The following ADGRG6 variants were observed in gnomAD, a reference collection of about 807,000 sequenced individuals.
The protein encoded by ADGRG6 is G-protein coupled receptor 126.
Under a neutral mutation model 142.4 loss-of-function variants are expected in ADGRG6, and 84 were observed. The observed-to-expected ratio is 0.59, with a 90% CI of 0.49 to 0.71. The LOEUF (loss-of-function observed/expected upper bound fraction) is 0.71, where lower values mean the gene tolerates loss of function less well. Among genes scored for constraint, ADGRG6 ranks in the 30% least tolerant of loss-of-function variants. The pLI, the probability that ADGRG6 is intolerant of heterozygous loss-of-function variation, is 0.00. For missense variants in ADGRG6, 1,367 were observed against 1,466.6 expected, an observed-to-expected ratio of 0.93 and a Z score of 1.11; for synonymous variants, 521 against 520.5, an observed-to-expected ratio of 1.00 and a Z score of -0.01.
intron 2 of ADGRG6, among the ~76,000 whole-genome samples, chr6:142,328,928 T>G (rs1274849769): frequency 6.6e-6 from 1 of 152,214 alleles, no homozygotes; most frequent in Non-Finnish European, 1.5e-5. Flanking sequence ...GCATTTATAA[T>G]ATTTTTCTTA....
intron 6 of ADGRG6, among the ~76,000 whole-genome samples, chr6:142,386,817 A>G (rs1441895608): frequency 6.6e-6 from 1 of 152,134 alleles, no homozygotes. Flanking sequence ...AGCCCTGGCC[A>G]GGACTCCATC....
At chr6:142,306,154 C>T (rs1434058089) in intron 1 of ADGRG6, among the ~76,000 whole-genome samples, 2 of 152,084 alleles carry the variant, frequency 1.3e-5, no homozygotes, top group Admixed American at 1.3e-4. Context: ...ATCAATTTCT[C>T]CACTAATATC....
In ADGRG6 at chr6:142,402,008, C is replaced by T; in HGVS notation, c.1694C>T (p.Thr565Ile). The change falls in exon 12 of 25, where the codon ACC (threonine) becomes ATC (isoleucine). Residue 565 changes from threonine (T) to isoleucine (I), a missense_variant. Transcript: ENST00000367609. ...TTGTTTCATAGTTTTTACAATGCTA[C>T]CAACCCATTGGTAACCTACTGGGGA... is the stretch of plus-strand genomic sequence containing the variant. ...SASRICFYNA[T>I]NPLVTYWGPV... 1.3e-6 allele frequency: 2 copies of T among 1,516,178 alleles called. No individual in the cohort carries two copies. Among genetic ancestry groups the T allele is most frequent in the Non-Finnish European group, 1.8e-6 (2 of 1,100,224 alleles). The allele number at this position is 1,516,178 out of a possible 1,614,324, so 93.9% of individuals were successfully genotyped here.
At chr6:142,436,254 A>G (rs980804223) in intron 22 of ADGRG6, among the ~76,000 whole-genome samples, 2 of 152,144 alleles carry the variant, frequency 1.3e-5, no homozygotes, top group African/African-American at 4.8e-5. Context: ...GGACATGTAA[A>G]CCTTTTTAGA....
intron 2 of ADGRG6, among the ~76,000 whole-genome samples, chr6:142,332,168 G>A (rs1166815329): frequency 6.6e-6 from 1 of 151,990 alleles, no homozygotes; most frequent in Non-Finnish European, 1.5e-5. Context: ...GCCCCTTTTC[G>A]ATCACTGTAA....
intron 22 of ADGRG6, among the ~76,000 whole-genome samples, chr6:142,433,395 T>G (rs1041315276): frequency 7.2e-5 from 11 of 152,224 alleles, no homozygotes; most frequent in African/African-American, 2.7e-4. Context: ...ATTTGCTTAT[T>G]GAAAGGATTG....
intron 2 of ADGRG6, among the ~76,000 whole-genome samples, chr6:142,325,409 G>A (rs949064910): frequency 3.9e-5 from 6 of 152,054 alleles, no homozygotes; most frequent in African/African-American, 1.2e-4. Flanking sequence ...GAGGCTCCAC[G>A]GTATTAACTG....
chr6:142,423,679 T>C (rs1562385793), intron 22 of ADGRG6, among the ~76,000 whole-genome samples: 1 of 120,046 alleles, frequency 8.3e-6, no homozygotes. Flanking sequence ...ATATGAACTT[T>C]AAAGTAGTTT....
At chr6:142,442,141 T>G (rs1186807590) in intron 24 of ADGRG6, among the ~76,000 whole-genome samples, 2 of 152,306 alleles carry the variant, frequency 1.3e-5, no homozygotes, top group East Asian at 3.9e-4. Context: ...TCCAGCATAC[T>G]CAAAATGTAA....
intron 21 of ADGRG6, among the ~76,000 whole-genome samples, chr6:142,417,714 G>C (rs1776438898): frequency 6.6e-6 from 1 of 152,160 alleles, no homozygotes; most frequent in Non-Finnish European, 1.5e-5. Context: ...GTATCAGACA[G>C]AGAGTGAATG....
At chr6:142,337,615 G>A (rs1779381029) in intron 2 of ADGRG6, among the ~76,000 whole-genome samples, 1 of 152,016 alleles carries the variant, frequency 6.6e-6, no homozygotes, top group African/African-American at 2.4e-5. Context: ...CCCCTCTTTT[G>A]TGGGGCAGCT....
intron 6 of ADGRG6, among the ~76,000 whole-genome samples, chr6:142,386,021 A>G (rs924253378): frequency 6.6e-6 from 1 of 152,316 alleles, no homozygotes; most frequent in Admixed American, 6.5e-5. Context: ...GGCTATCAGA[A>G]TTTTACTGAA....
At chr6:142,416,103 C>T in intron 20 of ADGRG6, 39 bp downstream of exon 20, 1 of 1,493,492 alleles carries the variant, frequency 6.7e-7, no homozygotes, top group Non-Finnish European at 9.2e-7. Context: ...GTTTTTCCCT[C>T]ATGAAAATTG....
intron 22 of ADGRG6, among the ~76,000 whole-genome samples, chr6:142,428,303 T>A (rs889876274): frequency 2.0e-5 from 3 of 152,168 alleles, no homozygotes; most frequent in African/African-American, 7.2e-5. Context: ...AACTGTATAA[T>A]TTAATTGCCA....
At chr6:142,319,134 T>A (rs904138637) in intron 2 of ADGRG6, among the ~76,000 whole-genome samples, 6 of 152,154 alleles carry the variant, frequency 3.9e-5, no homozygotes, top group African/African-American at 1.4e-4. Flanking sequence ...AGCCTTAGTT[T>A]CCTCATTGGT....
At chr6:142,416,963 T>G in intron 20 of ADGRG6, 1 of 389,506 alleles carries the variant, frequency 2.6e-6, no homozygotes, top group Admixed American at 3.8e-5. Flanking sequence ...CATTCACTAG[T>G]GCTAGATTTG....
intron 15 of ADGRG6, among the ~76,000 whole-genome samples, chr6:142,406,355 TC>T (rs1218722177): frequency 2.6e-5 from 4 of 152,240 alleles, no homozygotes; most frequent in African/African-American, 9.6e-5. Context: ...TTTATTGGCA[TC>T]ATTTCTAGAT....
chr6:142,371,079 C>T (rs1447781572), intron 4 of ADGRG6: 8 of 334,230 alleles, frequency 2.4e-5, no homozygotes, highest in South Asian at 4.1e-5. Flanking sequence ...GAGTTTATCA[C>T]GAATATAACA....
rs758767697 is a variant in ADGRG6, at chr6:142,370,462, T to C, written c.738T>C (p.Phe246=). 1.8e-5 allele frequency: 29 copies of C among 1,613,282 alleles called. 1 individual carries two copies. The South Asian group carries it at 3.2e-4, about 18-fold the overall frequency. The change falls in exon 4 of 25, where the codon TTT becomes TTC. Residue 246 remains phenylalanine (F), a synonymous_variant. Transcript: ENST00000367609. The part of the protein sequence containing the change: ...ALPVKEKEDI[F]AESFEQLCLV... ...CTGTCAAAGAAAAAGAAGACATTTTTGCAGAAAGCTTTGAACAGCTCTGCC... is the reference window on the plus strand; with the variant it reads ...CTGTCAAAGAAAAAGAAGACATTTTCGCAGAAAGCTTTGAACAGCTCTGCC...
Sources: allele counts gnomAD v4.1 joint callset (sites outside exome capture counted in the v4.1 genomes callset), GRCh38; gene constraint gnomAD v4.1.1; transcripts MANE v1.5; gene names NCBI Gene and HGNC (gene_info 2026-07-23, HGNC 2026-07-21).